NFASC: variants seen among roughly 807,000 people sequenced by gnomAD.
NFASC encodes neurofascin, also known as neurofascin homolog.
Under a neutral mutation model 147.5 loss-of-function variants are expected in NFASC, and 43 were observed. The ratio of observed to expected loss-of-function variants is 0.29; its 90% CI spans 0.23 to 0.38. NFASC has a LOEUF of 0.38. Ranked by LOEUF, NFASC falls within the 10% of genes least tolerant of loss-of-function variation. The pLI is 1.00. For missense variants in NFASC, 1,320 were observed against 1,689.0 expected (o/e 0.78, Z 3.83); for synonymous variants, 622 against 665.5 (o/e 0.93, Z 1.01).
chr1:204,951,745 A>T (rs2149959596), intron 4 of NFASC, among the ~76,000 whole-genome samples: 1 of 152,284 alleles, frequency 6.6e-6, no homozygotes, highest in Admixed American at 6.5e-5. Flanking sequence ...CTAGGATTAC[A>T]AGCGTGAGCC....
Position 204,975,304 on chromosome 1 carries a change from A to G in NFASC, c.1592A>G (p.Gln531Arg), listed in dbSNP as rs147673215. Reference sequence around the variant, plus strand: ...AGGATCTACCGGATGCCCGAGGACCAGGTGGCCAGAAGGGGCACCACGGTG... The same window carrying G: ...AGGATCTACCGGATGCCCGAGGACCGGGTGGCCAGAAGGGGCACCACGGTG... The part of the protein sequence containing the change: ...PTRIYRMPED[Q>R]VARRGTTVQL... Residue 531 changes from glutamine to arginine, a missense_variant, in exon 15 of 30, where the codon CAG (glutamine) becomes CGG (arginine). By Grantham distance (43) the Gln-to-Arg change is conservative (BLOSUM62 1). This residue lies in a region of NFASC where 981 missense variants were observed against 1,289.5 expected (regional missense o/e 0.76). Transcript: ENST00000339876. The surrounding 1 kb of genome is among the most constrained non-coding windows in gnomAD (Gnocchi z 4.0). 5.0e-6 allele frequency: 8 copies of G among 1,613,860 alleles called. No homozygotes were observed. The highest frequency in any genetic ancestry group is 6.8e-6 in the Non-Finnish European group (8 of 1,179,780).
chr1:204,918,036 A>G (rs1176449223), intron 1 of NFASC, among the ~76,000 whole-genome samples: 10 of 152,156 alleles, frequency 6.6e-5, no homozygotes, highest in Admixed American at 6.6e-4. Flanking sequence ...AGACTACAGA[A>G]TTTTTACGCA....
In NFASC at chr1:205,012,308, G is replaced by A. The variant is rs376409044; in HGVS notation, c.3422-489G>A. ...TTTCCATCCCATAGGTGTGTACGGCGTGTCTTCTCTGCTCAGGGCACTCTG... is the reference window on the plus strand; with the variant it reads ...TTTCCATCCCATAGGTGTGTACGGCATGTCTTCTCTGCTCAGGGCACTCTG... On this transcript the variant is annotated intron_variant, in intron 28 of 29. Transcript: ENST00000339876. 6.6e-5 allele frequency among the ~76,000 whole-genome samples: 10 copies of A among 152,326 alleles called. 1 individual carries two copies. The South Asian group carries it at 1.4e-3, about 22-fold the overall frequency.
chr1:204,879,420 C>G (rs1167236494), intron 1 of NFASC, among the ~76,000 whole-genome samples: 1 of 152,186 alleles, frequency 6.6e-6, no homozygotes. Context: ...GGGGCGCTCA[C>G]TGAACCCACA....
intron 1 of NFASC, among the ~76,000 whole-genome samples, chr1:204,855,760 G>A (rs2076100317): frequency 6.6e-6 from 1 of 152,136 alleles, no homozygotes; most frequent in African/African-American, 2.4e-5. Context: ...CATGCTCCTA[G>A]AAGCAGGAGT....
intron 11 of NFASC, among the ~76,000 whole-genome samples, chr1:204,972,602 A>T (rs1303285428): frequency 6.6e-6 from 1 of 152,176 alleles, no homozygotes; most frequent in Non-Finnish European, 1.5e-5. Context: ...TTTAGGACAC[A>T]TTTTTGGGGA....
At chr1:204,887,340 C>T (rs2081490336) in intron 1 of NFASC, among the ~76,000 whole-genome samples, 1 of 152,150 alleles carries the variant, frequency 6.6e-6, no homozygotes, top group Non-Finnish European at 1.5e-5. Context: ...TTTCCTTCTT[C>T]CAAATACTGA....
At chr1:205,008,535 AG>A (rs1361231448) in intron 27 of NFASC, 1 of 152,438 alleles carries the variant, frequency 6.6e-6, no homozygotes, top group Admixed American at 6.6e-5. Flanking sequence ...GCATTTCAGG[AG>A]GGGTCGCTTT....
At chr1:204,961,015 T>C (rs7543481) in intron 8 of NFASC, among the ~76,000 whole-genome samples, 88,068 of 152,046 alleles carry the variant, frequency 0.58, 26,437 homozygotes, top group Non-Finnish European at 0.67. Context: ...GAGCCCCTGT[T>C]GTCCCTCGAG....
At chr1:204,902,068 A>G (rs1321369166) in intron 1 of NFASC, among the ~76,000 whole-genome samples, 2 of 152,310 alleles carry the variant, frequency 1.3e-5, no homozygotes, top group East Asian at 3.9e-4. Flanking sequence ...CCGAGGCGGG[A>G]GGATTGCCTG....
At position 204,979,386 on chromosome 1, in the gene NFASC, A is replaced by G; in HGVS notation, c.2003A>G (p.Asp668Gly). Residue 668 changes from aspartate (D) to glycine (G), a missense_variant, in exon 19 of 30, where the codon GAC becomes GGC. This residue lies in a region of NFASC where 981 missense variants were observed against 1,289.5 expected (regional missense o/e 0.76). Coordinates refer to ENST00000339876, the MANE Select transcript of NFASC (RefSeq NM_001005388.3). The surrounding 1 kb of genome is among the most constrained non-coding windows in gnomAD (Gnocchi z 6.0). ...ITDYVVQFEE[D>G]QFQPGVWHDH... ...GACTACGTCGTCCAGTTTGAAGAAG[A>G]CCAGTTCCAACCTGGGGTCTGGCAT... 1 of 1,614,152 alleles carries G rather than the reference A, an allele frequency of 6.2e-7. No individual in the cohort carries two copies.
At chr1:204,878,206 CCTT>C (rs2079427032) in intron 1 of NFASC, among the ~76,000 whole-genome samples, 2 of 152,192 alleles carry the variant, frequency 1.3e-5, no homozygotes, top group African/African-American at 4.8e-5. Context: ...AAAAACTTCA[CCTT>C]CTTTTATACA....
intron 1 of NFASC, among the ~76,000 whole-genome samples, chr1:204,844,052 C>T (rs61245806): frequency 0.041 from 6,253 of 152,168 alleles, 416 homozygotes; most frequent in African/African-American, 0.14. Flanking sequence ...GTTTGTTTCT[C>T]TAAGGCTACA....
chr1:204,983,984 A>C (rs537637347), intron 21 of NFASC: 2 of 1,379,698 alleles, frequency 1.4e-6, no homozygotes, highest in Non-Finnish European at 2.1e-6. Flanking sequence ...GCAACTGTAG[A>C]GTCCTGCCTG....
chr1:204,912,125 T>C (rs1276704258), intron 1 of NFASC, among the ~76,000 whole-genome samples: 1 of 152,078 alleles, frequency 6.6e-6, no homozygotes, highest in African/African-American at 2.4e-5. Flanking sequence ...GTTCTCTGTT[T>C]TATTGATTTC....
chr1:204,844,949 C>T (rs867267427), intron 1 of NFASC, among the ~76,000 whole-genome samples: 5 of 152,046 alleles, frequency 3.3e-5, no homozygotes, highest in African/African-American at 4.8e-5. Context: ...CCCAAGTCTG[C>T]GTTTAGCTTC....
At chr1:204,895,695 A>G (rs1304178310) in intron 1 of NFASC, among the ~76,000 whole-genome samples, 1 of 152,220 alleles carries the variant, frequency 6.6e-6, no homozygotes, top group African/African-American at 2.4e-5. Flanking sequence ...ACTTCCTGGT[A>G]ATATCACTGA....
chr1:204,924,387 A>G (rs1014228235), intron 2 of NFASC, among the ~76,000 whole-genome samples: 3 of 152,226 alleles, frequency 2.0e-5, no homozygotes, highest in African/African-American at 7.2e-5. Context: ...AGGAATTTAA[A>G]AAATGCAACC....
intron 28 of NFASC, among the ~76,000 whole-genome samples, chr1:205,011,481 C>T (rs938790126): frequency 3.9e-5 from 6 of 152,218 alleles, no homozygotes; most frequent in East Asian, 1.9e-4. Flanking sequence ...ACTGAGTTCA[C>T]GCCCATTCCA....
Sources: gnomAD v4.1 joint callset for allele counts (sites outside exome capture counted in the v4.1 genomes callset) on GRCh38, gnomAD v4.1.1 for gene constraint, gnomAD v4.1.1 regional missense constraint, Gnocchi (gnomAD v3.1) non-coding constraint, MANE v1.5 for transcripts, NCBI Gene and HGNC (gene_info 2026-07-23, HGNC 2026-07-21) for gene names.